The following CLDN15 variants were observed in gnomAD, a reference collection of about 807,000 sequenced individuals.
CLDN15 encodes claudin 15.
Under a neutral mutation model 24.5 loss-of-function variants are expected in CLDN15, and 9 were observed. The observed-to-expected ratio is 0.37, with a 90% CI of 0.22 to 0.64. The LOEUF (loss-of-function observed/expected upper bound fraction) is 0.64, where lower values mean the gene tolerates loss of function less well. Ranked by LOEUF, CLDN15 falls within the 30% of genes least tolerant of loss-of-function variation. The pLI, the probability that CLDN15 is intolerant of heterozygous loss-of-function variation, is 0.63. For synonymous variants in CLDN15, 149 were observed against 131.4 expected (o/e 1.13, Z -0.92); for missense variants, 248 against 305.9 (o/e 0.81, Z 1.41).
At chr7:101,235,063 C>A (rs770361533) in intron 1 of CLDN15, among the ~76,000 whole-genome samples, 1 of 152,148 alleles carries the variant, frequency 6.6e-6, no homozygotes, top group African/African-American at 2.4e-5. Context: ...CAAAGTCGCC[C>A]GGCTGAGAAC....
chr7:101,234,021 C>T (rs1356331870), intron 2 of CLDN15: 1 of 674,920 alleles, frequency 1.5e-6, no homozygotes, highest in Non-Finnish European at 2.7e-6. Context: ...CAGCCGCTCA[C>T]TCTTATCTTC....
intron 3 of CLDN15, 48 bp from the exon 4 acceptor site, chr7:101,232,768 CG>C (rs527951946): frequency 3.2e-6 from 5 of 1,579,670 alleles, no homozygotes; most frequent in Admixed American, 1.7e-5. Context: ...AGACGCCAGC[CG>C]GGGGGCAGGG....
Position 101,234,265 on chromosome 7 carries a change from T to C in CLDN15, c.382+13A>G. The C allele has an allele frequency of 6.3e-7, 1 of 1,597,420 alleles. No individual in the cohort carries two copies. Among genetic ancestry groups the C allele is most frequent in the East Asian group, 2.2e-5 (1 of 44,766 alleles). ...TGAGGGGGACCCCCGCCCCATCACC[T>C]TCCCCCAGTTACCGGCCAGAATGTG... is the stretch of plus-strand genomic sequence containing the variant. On this transcript the variant is annotated intron_variant, in intron 2 of 4. Transcript: ENST00000308344.
rs780189931 is a variant in CLDN15 at position 101,232,642 on chromosome 7, G to A, written c.543C>T (p.Ser181=). ...ISILGGLCLC[S]ACCCGSDEDP... ...CCTCGTCAGAGCCGCAGCAGCAGGC[G>A]GAGCAGAGGCAGAGGCCACCCAGGA... is the stretch of plus-strand genomic sequence containing the variant. The change falls in exon 4 of 5, where the codon TCC becomes TCT. Residue 181 remains serine, a synonymous_variant. Coordinates refer to ENST00000308344, the MANE Select transcript of CLDN15 (RefSeq NM_014343.3). 5 of 1,586,478 alleles carry A rather than the reference G, an allele frequency of 3.2e-6. No individual in the cohort carries two copies. Among genetic ancestry groups the A allele is most frequent in the Non-Finnish European group, 4.3e-6 (5 of 1,166,636 alleles).
chr7:101,237,489 C>CAGCT lies in CLDN15; in HGVS notation c.92_93insAGCT (p.Ser32AlafsTer21). The stretch of plus-strand genomic sequence containing the variant: ...TGATGACGTTCCCGTGCACAGTGGA[C>CAGCT]ACTCGCCAGTAGCTGTTTGGCAGAG... On this transcript the variant is annotated frameshift_variant, in exon 1 of 5. Transcript: ENST00000308344. LOFTEE classifies it high-confidence loss of function. This position sits in a 1 kb window ranked among gnomAD's most constrained non-coding sequence, Gnocchi z 4.0. 6.2e-7 allele frequency: 1 copy of CAGCT among 1,614,046 alleles called. No homozygotes were observed. Among genetic ancestry groups the CAGCT allele is most frequent in the Non-Finnish European group, 8.5e-7 (1 of 1,179,906 alleles).
At chr7:101,235,356 T>C (rs1318300036) in intron 1 of CLDN15, among the ~76,000 whole-genome samples, 1 of 152,270 alleles carries the variant, frequency 6.6e-6, no homozygotes, top group East Asian at 1.9e-4. Flanking sequence ...ATTGAACTCC[T>C]GGATGCAGGC....
Position 101,237,026 on chromosome 7 carries a change from A to T in CLDN15, c.217+339T>A, listed in dbSNP as rs554137012. On this transcript the variant is annotated intron_variant, in intron 1 of 4. Coordinates refer to ENST00000308344, the MANE Select transcript of CLDN15 (RefSeq NM_014343.3). This position sits in a 1 kb window ranked among gnomAD's most constrained non-coding sequence, Gnocchi z 4.0. ...TCACGCTAACATTCTGCACTTTCTC[A>T]GTCACCTGTGAACTGGGACTCTCAC... 1.1e-3 allele frequency: 491 copies of T among 447,904 alleles called. 2 individuals carry two copies. Among genetic ancestry groups the T allele is most frequent in the Non-Finnish European group, 1.7e-3 (394 of 235,780 alleles). The allele number at this position is 447,904 out of a possible 1,614,324, so 27.7% of individuals were successfully genotyped here.
intron 3 of CLDN15, 55 bp downstream of exon 3, chr7:101,232,778 G>A: frequency 6.3e-7 from 1 of 1,576,460 alleles, no homozygotes; most frequent in Non-Finnish European, 8.7e-7. Flanking sequence ...CGGGGGGCAG[G>A]GCTGAGTCCC....
chr7:101,237,490 A>G lies in CLDN15; in HGVS notation c.92T>C (p.Val31Ala). 1 of 1,614,020 alleles carries G rather than the reference A, an allele frequency of 6.2e-7. No homozygotes were observed. Residue 31 changes from valine to alanine, a missense_variant, in exon 1 of 5, where the codon GTG becomes GCG. Coordinates refer to ENST00000308344, the MANE Select transcript of CLDN15 (RefSeq NM_014343.3). The surrounding 1 kb of genome is among the most constrained non-coding windows in gnomAD (Gnocchi z 4.0). The part of the protein sequence containing the change: ...GVTLPNSYWR[V>A]STVHGNVITT... Reference sequence around the variant, plus strand: ...GATGACGTTCCCGTGCACAGTGGACACTCGCCAGTAGCTGTTTGGCAGAGT... The same window carrying G: ...GATGACGTTCCCGTGCACAGTGGACGCTCGCCAGTAGCTGTTTGGCAGAGT...
chr7:101,232,451 C>T lies in CLDN15; in HGVS notation c.646G>A (p.Asp216Asn), dbSNP rs147800282. ...MPVATSDQEGDSSFGKYGRNA... is the reference protein window; with the variant it reads ...MPVATSDQEGNSSFGKYGRNA... ...CTGCCGTATTTGCCAAAGCTGCTGTCGCCTTCTTGGTCCGAGGTGGCGACG... is the reference window on the plus strand; with the variant it reads ...CTGCCGTATTTGCCAAAGCTGCTGTTGCCTTCTTGGTCCGAGGTGGCGACG... The change falls in exon 5 of 5, where the codon GAC becomes AAC. Residue 216 changes from aspartate to asparagine, a missense_variant. By Grantham distance (23) the Asp-to-Asn change is conservative. Transcript: ENST00000308344. 3.7e-6 allele frequency: 6 copies of T among 1,613,424 alleles called. No homozygotes were observed. The highest frequency in any genetic ancestry group is 5.1e-6 in the Non-Finnish European group (6 of 1,179,676).
At chr7:101,236,614 C>T (rs1798630930) in intron 1 of CLDN15, 8 of 571,898 alleles carry the variant, frequency 1.4e-5, no homozygotes, top group African/African-American at 2.0e-5. Flanking sequence ...AACAATGGGG[C>T]GGCCTCATCT....
At chr7:101,234,198 AGAG>A (rs1189352432) in intron 2 of CLDN15, 77 bp downstream of exon 2, 13 of 1,124,812 alleles carry the variant, frequency 1.2e-5, no homozygotes, top group East Asian at 2.3e-5. Context: ...TGGGAATTGG[AGAG>A]GAGATTAGAT....
At chr7:101,232,567 T>A (rs1311862770) in intron 4 of CLDN15, 37 bp downstream of exon 4, 1 of 1,595,330 alleles carries the variant, frequency 6.3e-7, no homozygotes, top group Non-Finnish European at 8.6e-7. Flanking sequence ...CTCTCTCCAA[T>A]CCCGCCCGGC....
rs948036654 is a variant in CLDN15, at chr7:101,232,673, A to G, written c.512T>C (p.Ile171Thr). Residue 171 changes from isoleucine to threonine, a missense_variant, in exon 4 of 5, where the codon ATC becomes ACC. By Grantham distance (89) the Ile-to-Thr change is moderately conservative. Transcript: ENST00000308344. ...ALYLGWSASL[I>T]SILGGLCLCS... ...GAGGCAGAGGCCACCCAGGATGGAG[A>G]TCAGTGAGGCGCTCCACCCCAGGTA... 6 of 1,592,038 alleles carry G rather than the reference A, an allele frequency of 3.8e-6. No individual in the cohort carries two copies. Among genetic ancestry groups the G allele is most frequent in the African/African-American group, 2.7e-5 (2 of 74,554 alleles).
chr7:101,236,938 C>T (rs1480844638), intron 1 of CLDN15: 11 of 602,012 alleles, frequency 1.8e-5, no homozygotes, highest in South Asian at 1.5e-4. Flanking sequence ...CTCCCCCTGC[C>T]CACCCCAGCA....
Position 101,232,337 on chromosome 7 carries a change from G to T in CLDN15, c.*73C>A. 1.8e-6 allele frequency: 2 copies of T among 1,128,806 alleles called. No homozygotes were observed. The highest frequency in any genetic ancestry group is 2.4e-5 in the East Asian group (1 of 41,430). 69.9% of individuals were successfully genotyped at this position (1,128,806 alleles called of 1,614,324 possible). ...GTGGCCGGCCCCTGAGGTTACTATA[G>T]GGGAATGGGCCCCGGCCAGGTCCCC... On this transcript the variant is annotated 3_prime_UTR_variant, in exon 5 of 5. Transcript: ENST00000308344.
Position 101,232,600 on chromosome 7 carries a change from T to C in CLDN15, c.581+4A>G, listed in dbSNP as rs1462016177. ...GGCCCCAGCCTGCGCCTCACCCTGC[T>C]CACCTGGCGGCTGGGTCCTCGTCAG... On this transcript the variant is annotated splice_donor_region_variant and intron_variant, in intron 4 of 4. Coordinates refer to ENST00000308344, the MANE Select transcript of CLDN15 (RefSeq NM_014343.3). 2 of 1,594,072 alleles carry C rather than the reference T, an allele frequency of 1.3e-6. No homozygotes were observed. The highest frequency in any genetic ancestry group is 1.8e-5 in the Admixed American group (1 of 56,206).
In CLDN15 at chr7:101,232,255, G is replaced by A; in HGVS notation, c.*155C>T. ...CCAAGAGCAGTTCTTGGCCTGGAGGGGCCATGAGAGTGCAAGACACGGGGC... is the reference window on the plus strand; with the variant it reads ...CCAAGAGCAGTTCTTGGCCTGGAGGAGCCATGAGAGTGCAAGACACGGGGC... On this transcript the variant is annotated 3_prime_UTR_variant, in exon 5 of 5. Coordinates refer to ENST00000308344, the MANE Select transcript of CLDN15 (RefSeq NM_014343.3). The A allele has an allele frequency of 1.7e-6, 1 of 596,482 alleles. No homozygotes were observed. The highest frequency in any genetic ancestry group is 3.0e-6 in the Non-Finnish European group (1 of 335,346). 36.9% of individuals were successfully genotyped at this position (596,482 alleles called of 1,614,324 possible). A position where few individuals can be genotyped will look rare whatever the true frequency, so the allele number is the denominator to read the frequency against.
rs910676951 is a variant in CLDN15, at chr7:101,236,737, C to G, written c.217+628G>C. 3.1e-6 allele frequency: 4 copies of G among 1,291,062 alleles called. No homozygotes were observed. The Admixed American group carries it at 9.2e-5, about 30-fold the overall frequency. The allele number at this position is 1,291,062 out of a possible 1,614,324, so 80.0% of individuals were successfully genotyped here. A position where few individuals can be genotyped will look rare whatever the true frequency, so the allele number is the denominator to read the frequency against. On this transcript the variant is annotated intron_variant, in intron 1 of 4. Coordinates refer to ENST00000308344, the MANE Select transcript of CLDN15 (RefSeq NM_014343.3). ...CCCCAGAAAGACACTGTCCTGGAAG[C>G]CCCACACACCTGCACACACACCGCC...
Sources: gnomAD v4.1 joint callset for allele counts (sites outside exome capture counted in the v4.1 genomes callset) on GRCh38, gnomAD v4.1.1 for gene constraint, Gnocchi (gnomAD v3.1) non-coding constraint, MANE v1.5 for transcripts, NCBI Gene and HGNC (gene_info 2026-07-23, HGNC 2026-07-21) for gene names.